Variants in DPF3 observed in about 807,000 individuals in gnomAD.
The protein encoded by DPF3 is zinc finger protein DPF3.
Under a neutral mutation model 56.8 loss-of-function variants are expected in DPF3, and 18 were observed. That is an observed-to-expected ratio of 0.32 (90% CI 0.22 to 0.47). The LOEUF is 0.47. DPF3 is among the 20% of genes least tolerant of loss of function. The probability of loss-of-function intolerance (pLI) is 1.00; values close to 1 mark genes in which losing one functional copy is unlikely to be tolerated. For missense variants in DPF3, 403 were observed against 488.8 expected (o/e 0.82, Z 1.65); for synonymous variants, 188 against 180.2 (o/e 1.04, Z -0.35).
intron 3 of DPF3, among the ~76,000 whole-genome samples, chr14:72,734,443 A>C (rs1889803865): frequency 6.6e-6 from 1 of 152,162 alleles, no homozygotes; most frequent in Non-Finnish European, 1.5e-5. Flanking sequence ...AAGTCTTCCA[A>C]ATGTCTACTC....
chr14:72,881,993 T>C (rs12437072), intron 1 of DPF3, among the ~76,000 whole-genome samples: 24,895 of 152,162 alleles, frequency 0.16, 2,179 homozygotes, highest in Admixed American at 0.22. Flanking sequence ...ATTCAAAACA[T>C]ACTTAGGACT....
At chr14:72,760,714 C>T (rs1192880476) in intron 2 of DPF3, among the ~76,000 whole-genome samples, 1 of 151,754 alleles carries the variant, frequency 6.6e-6, no homozygotes. Flanking sequence ...AGTTAATAAA[C>T]CAACAAAAAA....
chr14:72,654,052 T>C (rs1489210772), intron 8 of DPF3, among the ~76,000 whole-genome samples: 1 of 152,114 alleles, frequency 6.6e-6, no homozygotes, highest in African/African-American at 2.4e-5. Flanking sequence ...AGTTCAGCTG[T>C]CCTCACAATC....
At chr14:72,650,889 C>T (rs985301697) in intron 8 of DPF3, among the ~76,000 whole-genome samples, 4 of 152,216 alleles carry the variant, frequency 2.6e-5, no homozygotes, top group Non-Finnish European at 5.9e-5. Context: ...ACTTCCACCA[C>T]TGATGTCGCT....
intron 6 of DPF3, among the ~76,000 whole-genome samples, chr14:72,712,896 T>C (rs921656401): frequency 2.0e-5 from 3 of 152,134 alleles, no homozygotes; most frequent in South Asian, 2.1e-4. Context: ...TAAATAAAAA[T>C]GAATAAACGA....
intron 1 of DPF3, among the ~76,000 whole-genome samples, chr14:72,844,343 C>A (rs1055419328): frequency 6.6e-6 from 1 of 152,158 alleles, no homozygotes; most frequent in Non-Finnish European, 1.5e-5. Context: ...GACACCCCAC[C>A]CATCCTTGGG....
intron 2 of DPF3, among the ~76,000 whole-genome samples, chr14:72,757,160 T>C (rs766515338): frequency 1.6e-4 from 24 of 151,424 alleles, no homozygotes; most frequent in Non-Finnish European, 2.9e-4. Flanking sequence ...GCAATTGAAA[T>C]GGGGAAGAAA....
At chr14:72,747,840 CTCTT>C (rs888400188) in intron 3 of DPF3, among the ~76,000 whole-genome samples, 10 of 152,166 alleles carry the variant, frequency 6.6e-5, no homozygotes, top group Non-Finnish European at 1.5e-4. Context: ...CACAAGCTCT[CTCTT>C]TGACTCCTGC....
At chr14:72,799,153 C>T (rs975508326) in intron 1 of DPF3, among the ~76,000 whole-genome samples, 1 of 152,158 alleles carries the variant, frequency 6.6e-6, no homozygotes, top group Non-Finnish European at 1.5e-5. Flanking sequence ...TCTGGGTCTT[C>T]CTTGACAGTG....
At chr14:72,844,601 A>C (rs1222893525) in intron 1 of DPF3, among the ~76,000 whole-genome samples, 1 of 151,600 alleles carries the variant, frequency 6.6e-6, no homozygotes. Flanking sequence ...TCACACAACA[A>C]ATTTACATTT....
chr14:72,742,031 C>A, intron 3 of DPF3, among the ~76,000 whole-genome samples: 1 of 152,224 alleles, frequency 6.6e-6, no homozygotes, highest in Admixed American at 6.5e-5. Context: ...CAGACTTCGT[C>A]CCCCAGTCCC....
intron 1 of DPF3, among the ~76,000 whole-genome samples, chr14:72,844,222 C>T (rs1884661804): frequency 1.3e-5 from 2 of 152,158 alleles, no homozygotes; most frequent in African/African-American, 2.4e-5. Context: ...CAGAACAAAA[C>T]GTTAGAAAAC....
intron 1 of DPF3, among the ~76,000 whole-genome samples, chr14:72,861,737 G>GAGAA (rs35048401): frequency 0.037 from 3,138 of 84,444 alleles, 142 homozygotes; most frequent in East Asian, 0.075. Flanking sequence ...AAGAAAGAAA[G>GAGAA]AGAAAGAAAG....
intron 1 of DPF3, among the ~76,000 whole-genome samples, chr14:72,877,623 G>C (rs557022793): frequency 1.3e-5 from 2 of 152,268 alleles, no homozygotes; most frequent in South Asian, 4.1e-4. Context: ...TCAGAATTCA[G>C]ACTCACAAGC....
chr14:72,689,262 G>A (rs1036806754), intron 7 of DPF3, among the ~76,000 whole-genome samples: 1 of 152,160 alleles, frequency 6.6e-6, no homozygotes, highest in Non-Finnish European at 1.5e-5. Context: ...CGCTACTGCT[G>A]CAGGTGGTGC....
At chr14:72,631,924 A>G (rs1386592263) in intron 8 of DPF3, among the ~76,000 whole-genome samples, 2 of 152,224 alleles carry the variant, frequency 1.3e-5, no homozygotes, top group African/African-American at 4.8e-5. Flanking sequence ...GTGTCAGATG[A>G]GACGTTAGCT....
At position 72,892,942 on chromosome 14, in the gene DPF3, T is replaced by A. The variant is rs528162402; in HGVS notation, c.32+1115A>T. 8.3e-5 allele frequency among the ~76,000 whole-genome samples: 11 copies of A among 132,746 alleles called. 1 individual carries two copies. The highest frequency in any genetic ancestry group is 4.5e-4 in the East Asian group (2 of 4,438). 87.1% of individuals were successfully genotyped at this position (132,746 alleles called of 152,430 possible). ...TTGGCGGCTTAACAGTTCCACTGAC[T>A]GGAAGGAAGGAAGGAAGGAAGGAAG... On this transcript the variant is annotated intron_variant, in intron 1 of 10. Coordinates refer to ENST00000556509, the MANE Select transcript of DPF3 (RefSeq NM_001280542.3).
At chr14:72,866,623 G>A (rs1009468582) in intron 1 of DPF3, among the ~76,000 whole-genome samples, 3 of 150,560 alleles carry the variant, frequency 2.0e-5, no homozygotes, top group African/African-American at 4.9e-5. Context: ...TTGGGAGGCC[G>A]AGGAGGGCGG....
intron 1 of DPF3, chr14:72,892,429 G>C: frequency 1.4e-6 from 2 of 1,464,124 alleles, no homozygotes; most frequent in African/African-American, 2.8e-5. Flanking sequence ...GCTCCTATCT[G>C]ATCAGCCTCA....
Sources: gnomAD v4.1 joint callset for allele counts (sites outside exome capture counted in the v4.1 genomes callset) on GRCh38, gnomAD v4.1.1 for gene constraint, MANE v1.5 for transcripts, NCBI Gene and HGNC (gene_info 2026-07-23, HGNC 2026-07-21) for gene names.